NELL2: variants seen among roughly 807,000 people sequenced by gnomAD.
NELL2 encodes neural EGFL like 2, also known as protein kinase C-binding protein NELL2.
NELL2 carries 41 observed loss-of-function variants against 109.6 expected under a neutral mutation model. That is an observed-to-expected ratio of 0.37 (90% CI 0.29 to 0.49). The LOEUF is 0.49. Among genes scored for constraint, NELL2 ranks in the 20% least tolerant of loss-of-function variants. The probability of loss-of-function intolerance (pLI) is 0.98; values close to 1 mark genes in which losing one functional copy is unlikely to be tolerated. For missense variants in NELL2, 900 were observed against 1,008.3 expected (o/e 0.89, Z 1.45); for synonymous variants, 355 against 344.7 (o/e 1.03, Z -0.33).
chr12:44,870,359 C>T (rs990547377), intron 2 of NELL2, among the ~76,000 whole-genome samples: 7 of 152,172 alleles, frequency 4.6e-5, no homozygotes, highest in African/African-American at 1.7e-4. Flanking sequence ...CTGCCCATTG[C>T]CCAGTTCCAA....
At position 44,850,839 on chromosome 12, in the gene NELL2, G is replaced by A. The variant is rs181506936; in HGVS notation, c.184+24386C>T. 1.2e-4 allele frequency among the ~76,000 whole-genome samples: 18 copies of A among 152,232 alleles called. No homozygotes were observed. In the East Asian group the frequency reaches 3.1e-3, roughly 26 times the overall value. Reference sequence around the variant, plus strand: ...AGGGACTGCATAAACCCTTGGCTACGGTGATAATATAGATGCCAATGTTAA... The same window carrying A: ...AGGGACTGCATAAACCCTTGGCTACAGTGATAATATAGATGCCAATGTTAA... On this transcript the variant is annotated intron_variant, in intron 2 of 19. Transcript: ENST00000429094.
intron 1 of NELL2, among the ~76,000 whole-genome samples, chr12:44,904,876 C>G (rs1273402204): frequency 6.6e-6 from 1 of 151,938 alleles, no homozygotes; most frequent in East Asian, 1.9e-4. Context: ...TTAATCATTA[C>G]ATTTTGAAAA....
chr12:44,598,854 T>TACACACACACACACACACACACAC (rs754118280), intron 15 of NELL2, among the ~76,000 whole-genome samples: 4 of 118,496 alleles, frequency 3.4e-5, no homozygotes, highest in South Asian at 3.1e-4. Flanking sequence ...AAGAAAGAAA[T>TACACACACACACACACACACACAC]ACACACACAC....
At chr12:44,690,855 T>G (rs1344919152) in intron 12 of NELL2, among the ~76,000 whole-genome samples, 1 of 152,138 alleles carries the variant, frequency 6.6e-6, no homozygotes, top group Admixed American at 6.5e-5. Flanking sequence ...AAAATCAAAT[T>G]CCCAAGAAGA....
intron 13 of NELL2, among the ~76,000 whole-genome samples, chr12:44,615,281 AC>A (rs1945779008): frequency 6.6e-6 from 1 of 152,070 alleles, no homozygotes; most frequent in Non-Finnish European, 1.5e-5. Flanking sequence ...AATTAAAAAC[AC>A]CATTCACATA....
Position 44,875,258 on chromosome 12 carries a change from G to A in NELL2, c.151C>T (p.Leu51=), listed in dbSNP as rs1364800639. 6.2e-7 allele frequency: 1 copy of A among 1,614,084 alleles called. No individual in the cohort carries two copies. Among genetic ancestry groups the A allele is most frequent in the Non-Finnish European group, 8.5e-7 (1 of 1,179,998 alleles). ...AGAAAGGCTTTCGTCCCATTATGCA[G>A]CCCCGGGACCTGACGCACTCCGGTC... ...STTGVRQVPG[L]HNGTKAFLFQ... is the part of the protein sequence containing the mutation. Residue 51 remains leucine (L), a synonymous_variant, in exon 2 of 20, where the codon CTG becomes TTG. Coordinates refer to ENST00000429094, the MANE Select transcript of NELL2 (RefSeq NM_001145108.2).
intron 14 of NELL2, 106 bp from the exon 15 acceptor site, chr12:44,607,370 T>A (rs569818683): frequency 4.0e-6 from 3 of 750,988 alleles, no homozygotes; most frequent in Non-Finnish European, 4.0e-6. Context: ...CATCAAATTA[T>A]AAAAGCTATT....
At chr12:44,807,175 C>A (rs1369419021) in intron 3 of NELL2, among the ~76,000 whole-genome samples, 1 of 151,494 alleles carries the variant, frequency 6.6e-6, no homozygotes, top group Non-Finnish European at 1.5e-5. Flanking sequence ...TGCAAAAATC[C>A]TCTTAAAGAA....
chr12:44,819,357 A>C (rs12813393), intron 2 of NELL2, among the ~76,000 whole-genome samples: 11,391 of 152,284 alleles, frequency 0.075, 557 homozygotes, highest in Admixed American at 0.12. Flanking sequence ...TACAGGTTAG[A>C]TTTCACATAT....
intron 12 of NELL2, among the ~76,000 whole-genome samples, chr12:44,670,234 A>G (rs1948090675): frequency 6.6e-6 from 1 of 152,180 alleles, no homozygotes; most frequent in African/African-American, 2.4e-5. Flanking sequence ...CCTACAAAAA[A>G]TGTTTAAGGT....
At chr12:44,876,795 GA>G, upstream of NELL2, 1 of 1,382,182 alleles carries the variant, frequency 7.2e-7, no homozygotes, top group Non-Finnish European at 9.4e-7. Flanking sequence ...GCGTGCGGAG[GA>G]AGGCCACCAA....
At chr12:44,905,387 G>GT (rs541375671) in intron 1 of NELL2, among the ~76,000 whole-genome samples, 3 of 151,608 alleles carry the variant, frequency 2.0e-5, no homozygotes, top group East Asian at 1.9e-4. Context: ...CCCTTTTGAT[G>GT]TTTTTTACTG....
intron 1 of NELL2, among the ~76,000 whole-genome samples, chr12:44,910,640 A>C (rs1223169276): frequency 6.6e-6 from 1 of 152,058 alleles, no homozygotes; most frequent in African/African-American, 2.4e-5. Flanking sequence ...TTATTCTACC[A>C]AAAAGATACA....
In NELL2 at chr12:44,547,857, C is replaced by T. The variant is rs140979710; in HGVS notation, c.1664-15136G>A. On this transcript the variant is annotated intron_variant, in intron 15 of 19. Transcript: ENST00000429094. ...CTCTTTCTGGAATACACATTCCCTT[C>T]CTTTTGAGGCACCGAAAGTATATTT... Among the ~76,000 whole-genome samples, 439 of 152,256 alleles carry T rather than the reference C, an allele frequency of 2.9e-3. 1 individual carries two copies. Among genetic ancestry groups the T allele is most frequent in the African/African-American group, 5.9e-3 (246 of 41,544 alleles).
intron 3 of NELL2, among the ~76,000 whole-genome samples, chr12:44,792,807 A>G (rs1288639742): frequency 3.9e-5 from 6 of 152,154 alleles, no homozygotes; most frequent in Non-Finnish European, 7.4e-5. Flanking sequence ...CTTTTTTAAA[A>G]GGCAGCTTGG....
At chr12:44,648,900 T>TTGTGTGTGTGTGTGTGTGTGTGTG in intron 13 of NELL2, among the ~76,000 whole-genome samples, 2 of 107,164 alleles carry the variant, frequency 1.9e-5, no homozygotes, top group South Asian at 4.0e-4. Context: ...CACGCCCAGC[T>TTGTGTGTGTGTGTGTGTGTGTGTG]TGTGTGTGTG....
chr12:44,593,808 G>T (rs1332454235), intron 15 of NELL2, among the ~76,000 whole-genome samples: 2 of 152,190 alleles, frequency 1.3e-5, no homozygotes. Context: ...GTAGCATGGT[G>T]TCTCCAGCTT....
chr12:44,872,717 A>G (rs1211230746), intron 2 of NELL2, among the ~76,000 whole-genome samples: 2 of 152,210 alleles, frequency 1.3e-5, no homozygotes, highest in Non-Finnish European at 2.9e-5. Flanking sequence ...AACATATCTG[A>G]TAGCACAAAG....
intron 15 of NELL2, among the ~76,000 whole-genome samples, chr12:44,533,925 G>A (rs1019742394): frequency 2.0e-5 from 3 of 151,948 alleles, no homozygotes; most frequent in Non-Finnish European, 2.9e-5. Flanking sequence ...AACCTGCCAA[G>A]GCAGGATGGT....
Sources: allele counts gnomAD v4.1 joint callset (sites outside exome capture counted in the v4.1 genomes callset), GRCh38; gene constraint gnomAD v4.1.1; transcripts MANE v1.5; gene names NCBI Gene and HGNC (gene_info 2026-07-23, HGNC 2026-07-21).